The following SLC25A21 variants were observed in gnomAD, a reference collection of about 807,000 sequenced individuals.
The protein encoded by SLC25A21 is mitochondrial 2-oxodicarboxylate carrier.
SLC25A21 carries 47 observed loss-of-function variants against 43.8 expected under a neutral mutation model. The observed-to-expected ratio is 1.07, with a 90% confidence interval of 0.85 to 1.37. The LOEUF is 1.37. SLC25A21 is among the 40% of genes most tolerant of loss of function. SLC25A21 has a pLI of 0.00. For missense variants in SLC25A21, 352 were observed against 350.2 expected (o/e 1.00, Z -0.04); for synonymous variants, 131 against 121.3 (o/e 1.08, Z -0.52).
intron 2 of SLC25A21, among the ~76,000 whole-genome samples, chr14:36,874,390 C>T (rs1266276915): frequency 6.6e-6 from 1 of 152,184 alleles, no homozygotes; most frequent in African/African-American, 2.4e-5. Flanking sequence ...ATATTATACC[C>T]CACAAAGTTT....
At chr14:36,879,416 T>C (rs973636333) in intron 1 of SLC25A21, among the ~76,000 whole-genome samples, 2 of 152,176 alleles carry the variant, frequency 1.3e-5, no homozygotes, top group South Asian at 4.1e-4. Context: ...TTATAAAAAT[T>C]AGAAAAGCCC....
chr14:36,680,600 C>G lies in SLC25A21; in HGVS notation c.*58G>C, dbSNP rs878972506. 95 of 1,575,492 alleles carry G rather than the reference C, an allele frequency of 6.0e-5. 1 individual carries two copies. In the South Asian group the frequency reaches 1.0e-3, roughly 17 times the overall value. On this transcript the variant is annotated 3_prime_UTR_variant, in exon 10 of 10. Coordinates refer to ENST00000331299, the MANE Select transcript of SLC25A21 (RefSeq NM_030631.4). Reference sequence around the variant, plus strand: ...TGGCCGATCGATAGTCTCTCTTCTTCATGGTGCTGCATAGCAAATATCCAT... The same window carrying G: ...TGGCCGATCGATAGTCTCTCTTCTTGATGGTGCTGCATAGCAAATATCCAT...
intron 7 of SLC25A21, among the ~76,000 whole-genome samples, chr14:36,688,472 A>G (rs1301994813): frequency 6.6e-6 from 1 of 152,250 alleles, no homozygotes; most frequent in Admixed American, 6.5e-5. Flanking sequence ...AGCTGAAGAA[A>G]GCAAGTTGAG....
intron 3 of SLC25A21, among the ~76,000 whole-genome samples, chr14:36,810,644 A>G (rs1888206759): frequency 6.6e-6 from 1 of 152,162 alleles, no homozygotes; most frequent in African/African-American, 2.4e-5. Flanking sequence ...TAGAAGAGTT[A>G]TCATCTCTGT....
intron 2 of SLC25A21, among the ~76,000 whole-genome samples, chr14:36,817,663 T>C (rs892777803): frequency 6.6e-5 from 10 of 152,162 alleles, no homozygotes; most frequent in South Asian, 2.1e-4. Flanking sequence ...AGGATGGCCA[T>C]TGCACAATTG....
intron 1 of SLC25A21, among the ~76,000 whole-genome samples, chr14:37,048,788 T>C (rs1961643710): frequency 6.6e-6 from 1 of 152,228 alleles, no homozygotes; most frequent in Non-Finnish European, 1.5e-5. Flanking sequence ...TAGTGAGCAC[T>C]GAACCTTTTG....
intron 3 of SLC25A21, among the ~76,000 whole-genome samples, chr14:36,785,987 T>C (rs549336604): frequency 4.6e-5 from 7 of 152,328 alleles, no homozygotes; most frequent in South Asian, 4.1e-4. Flanking sequence ...ACAAAAAATA[T>C]GGTATCACTG....
At chr14:37,107,993 A>G (rs908608378) in intron 1 of SLC25A21, among the ~76,000 whole-genome samples, 2 of 152,182 alleles carry the variant, frequency 1.3e-5, no homozygotes, top group African/African-American at 4.8e-5. Flanking sequence ...AAGCTTGAAC[A>G]ATACATTGTA....
At chr14:36,915,054 A>G (rs1003707139) in intron 1 of SLC25A21, among the ~76,000 whole-genome samples, 3 of 152,120 alleles carry the variant, frequency 2.0e-5, no homozygotes, top group African/African-American at 7.2e-5. Context: ...AATGATCACA[A>G]TGATGCAAGC....
intron 6 of SLC25A21, among the ~76,000 whole-genome samples, chr14:36,724,108 C>T (rs979190990): frequency 1.6e-4 from 24 of 152,072 alleles, no homozygotes; most frequent in African/African-American, 5.8e-4. Context: ...CCATCTTTTT[C>T]GTTTATTCAA....
At chr14:36,802,653 CAGA>C (rs1887906918) in intron 3 of SLC25A21, among the ~76,000 whole-genome samples, 1 of 152,018 alleles carries the variant, frequency 6.6e-6, no homozygotes, top group Non-Finnish European at 1.5e-5. Context: ...TATAAGAGAA[CAGA>C]AGGAGGAAAT....
In SLC25A21 at chr14:36,955,656, G is replaced by A. The variant is rs1261882374; in HGVS notation, c.71-80652C>T. 2.6e-5 allele frequency among the ~76,000 whole-genome samples: 4 copies of A among 151,668 alleles called. No homozygotes were observed. The East Asian group carries it at 7.8e-4, about 29-fold the overall frequency. Reference sequence around the variant, plus strand: ...AAGATGTATGATAAATGTGGTAAAAGCCCCTCTCTTGATTTTTCACATCTA... The same window carrying A: ...AAGATGTATGATAAATGTGGTAAAAACCCCTCTCTTGATTTTTCACATCTA... On this transcript the variant is annotated intron_variant, in intron 1 of 9. Coordinates refer to ENST00000331299, the MANE Select transcript of SLC25A21 (RefSeq NM_030631.4).
At chr14:37,171,295 A>G in intron 1 of SLC25A21, among the ~76,000 whole-genome samples, 1 of 152,316 alleles carries the variant, frequency 6.6e-6, no homozygotes, top group African/African-American at 2.4e-5. Context: ...ATCATGACAT[A>G]ATGATAACCA....
At chr14:36,950,046 C>G (rs1044130636) in intron 1 of SLC25A21, among the ~76,000 whole-genome samples, 1 of 152,094 alleles carries the variant, frequency 6.6e-6, no homozygotes, top group African/African-American at 2.4e-5. Flanking sequence ...GCAGAGTTCT[C>G]CAAATCTATT....
intron 1 of SLC25A21, among the ~76,000 whole-genome samples, chr14:36,965,825 G>A (rs1024525586): frequency 6.6e-6 from 1 of 152,020 alleles, no homozygotes; most frequent in Non-Finnish European, 1.5e-5. Flanking sequence ...AATATACTTT[G>A]GTTTGAGATA....
chr14:36,770,948 A>T (rs1594572688), intron 3 of SLC25A21, among the ~76,000 whole-genome samples: 5 of 152,238 alleles, frequency 3.3e-5, no homozygotes, highest in Admixed American at 3.3e-4. Flanking sequence ...CTTACATGTA[A>T]TACTAGTACA....
intron 2 of SLC25A21, among the ~76,000 whole-genome samples, chr14:36,829,428 G>A (rs1280836523): frequency 6.6e-6 from 1 of 152,090 alleles, no homozygotes; most frequent in Non-Finnish European, 1.5e-5. Context: ...TCCCATCAAG[G>A]AGACTTCTCA....
intron 1 of SLC25A21, 146 bp from the exon 2 acceptor site, chr14:36,875,150 A>ATTACT: frequency 1.9e-6 from 1 of 517,184 alleles, no homozygotes; most frequent in Admixed American, 3.8e-5. Flanking sequence ...GGCTAGTGGC[A>ATTACT]AAAGACAGAA....
intron 1 of SLC25A21, among the ~76,000 whole-genome samples, chr14:37,160,601 T>C (rs1016628646): frequency 5.9e-5 from 9 of 151,718 alleles, no homozygotes; most frequent in African/African-American, 1.7e-4. Flanking sequence ...TAAAGAGAAG[T>C]AGGTTAAAGA....
Sources: allele counts gnomAD v4.1 joint callset (sites outside exome capture counted in the v4.1 genomes callset), GRCh38; gene constraint gnomAD v4.1.1; transcripts MANE v1.5; gene names NCBI Gene and HGNC (gene_info 2026-07-23, HGNC 2026-07-21).